The following NFIB variants were observed in gnomAD, a reference collection of about 807,000 sequenced individuals.
NFIB encodes the protein nuclear factor I B.
A neutral mutation model predicts 61.5 loss-of-function variants in NFIB; 11 were observed. That is an observed-to-expected ratio of 0.18 (90% CI 0.11 to 0.30). The LOEUF is 0.30. Ranked by LOEUF, NFIB falls within the 10% of genes least tolerant of loss-of-function variation. NFIB has a pLI of 1.00. For synonymous variants in NFIB, 260 were observed against 216.5 expected (o/e 1.20, Z -1.76); for missense variants, 471 against 608.9 (o/e 0.77, Z 2.38).
chr9:14,265,300 C>T (rs546468516), intron 2 of NFIB, among the ~76,000 whole-genome samples: 1 of 152,272 alleles, frequency 6.6e-6, no homozygotes, highest in African/African-American at 2.4e-5. Context: ...TGTTGAAGCC[C>T]AACCCCAATG....
intron 2 of NFIB, among the ~76,000 whole-genome samples, chr9:14,213,199 G>T (rs1413606566): frequency 6.6e-6 from 1 of 152,236 alleles, no homozygotes; most frequent in South Asian, 2.1e-4. Context: ...CAGAAAGACT[G>T]GGCACAGTCA....
the NFIB span, among the ~76,000 whole-genome samples, chr9:14,502,250 C>A: frequency 6.6e-6 from 1 of 152,316 alleles, no homozygotes; most frequent in African/African-American, 2.4e-5. Flanking sequence ...TAAATCACTA[C>A]ACATAGCCTC....
chr9:14,457,346 C>T, the NFIB span, among the ~76,000 whole-genome samples: 4 of 152,180 alleles, frequency 2.6e-5, no homozygotes, highest in East Asian at 3.9e-4. Context: ...TTAGTTTGAA[C>T]GAGTTGATGT....
chr9:14,332,259 G>A (rs1316853619), intron 1 of NFIB, among the ~76,000 whole-genome samples: 1 of 151,062 alleles, frequency 6.6e-6, no homozygotes, highest in Non-Finnish European at 1.5e-5. Flanking sequence ...CTTGAACCTG[G>A]GAGGCAGAGG....
At chr9:14,515,062 G>A in the NFIB span, among the ~76,000 whole-genome samples, 1 of 152,134 alleles carries the variant, frequency 6.6e-6, no homozygotes, top group Non-Finnish European at 1.5e-5. Flanking sequence ...GCTAGGCTCT[G>A]GGACAGATAC....
chr9:14,495,395 G>A, the NFIB span, among the ~76,000 whole-genome samples: 6 of 149,648 alleles, frequency 4.0e-5, no homozygotes, highest in Non-Finnish European at 7.4e-5. Flanking sequence ...GAGCTACTCC[G>A]TGCTTTTGCC....
At chr9:14,094,771 T>A (rs570366230) in intron 10 of NFIB, among the ~76,000 whole-genome samples, 4 of 152,104 alleles carry the variant, frequency 2.6e-5, no homozygotes, top group Non-Finnish European at 5.9e-5. Flanking sequence ...ATTTGTTTCT[T>A]AACTAAGTAG....
At chr9:14,490,372 A>G in the NFIB span, among the ~76,000 whole-genome samples, 369 of 152,312 alleles carry the variant, frequency 2.4e-3, 1 homozygote, top group African/African-American at 8.5e-3. Context: ...CTAGAAGAAA[A>G]TATGGGAAAA....
At chr9:14,404,890 G>A in the NFIB span, among the ~76,000 whole-genome samples, 1 of 152,186 alleles carries the variant, frequency 6.6e-6, no homozygotes, top group Non-Finnish European at 1.5e-5. Context: ...AGCAGCAAAA[G>A]GGGTGTTGTC....
chr9:14,361,219 G>T (rs1193198949), intron 1 of NFIB: 1 of 149,394 alleles, frequency 6.7e-6, no homozygotes, highest in Admixed American at 6.7e-5. Flanking sequence ...TTTACAGTCA[G>T]CTCCTTGAGA....
rs1413453749 is a variant in NFIB, at chr9:14,238,951, C to A, written c.563-59171G>T. ...CCTAATTCCCAGGACTCCCTGGTGTCTCCTAAACAGCATAAGGTCAACTGA... is the reference window on the plus strand; with the variant it reads ...CCTAATTCCCAGGACTCCCTGGTGTATCCTAAACAGCATAAGGTCAACTGA... On this transcript the variant is annotated intron_variant, in intron 2 of 10. Transcript: ENST00000380953. Among the ~76,000 whole-genome samples, 3 of 152,154 alleles carry A rather than the reference C, an allele frequency of 2.0e-5. No homozygotes were observed. The East Asian group carries it at 5.8e-4, about 29-fold the overall frequency.
the NFIB span, among the ~76,000 whole-genome samples, chr9:14,470,597 G>A: frequency 6.6e-6 from 1 of 152,210 alleles, no homozygotes; most frequent in African/African-American, 2.4e-5. Context: ...TGCTTAGGCA[G>A]CAGGGGCTTG....
intron 3 of NFIB, among the ~76,000 whole-genome samples, chr9:14,168,030 G>A (rs4740560): frequency 0.58 from 87,567 of 152,042 alleles, 27,334 homozygotes; most frequent in South Asian, 0.71. Flanking sequence ...ATAAGATGAG[G>A]AGTTCAGAAA....
chr9:14,162,714 T>A (rs917321156), intron 3 of NFIB, among the ~76,000 whole-genome samples: 3 of 152,116 alleles, frequency 2.0e-5, no homozygotes, highest in Non-Finnish European at 4.4e-5. Flanking sequence ...TTGAATCTGT[T>A]GCAGAGAAGA....
intron 1 of NFIB, among the ~76,000 whole-genome samples, chr9:14,389,500 C>T (rs1307076254): frequency 6.6e-6 from 1 of 152,126 alleles, no homozygotes; most frequent in Non-Finnish European, 1.5e-5. Context: ...CCAATGTGTA[C>T]ACTTTAAATA....
intron 1 of NFIB, among the ~76,000 whole-genome samples, chr9:14,397,291 G>T (rs1287662347): frequency 6.6e-6 from 1 of 152,170 alleles, no homozygotes; most frequent in Non-Finnish European, 1.5e-5. Context: ...AGAAAAACAA[G>T]CAAACAACTG....
intron 1 of NFIB, among the ~76,000 whole-genome samples, chr9:14,308,343 C>CACAG (rs2060125465): frequency 6.6e-6 from 1 of 151,962 alleles, no homozygotes; most frequent in East Asian, 1.9e-4. Context: ...CACACACACA[C>CACAG]TTGCACTCTC....
In NFIB at chr9:14,239,181, G is replaced by A. The variant is rs1024021646; in HGVS notation, c.563-59401C>T. ...CATCATTTAACCAAAAAGGTTTGTA[G>A]TATTTTGTATTCACAATGTTACACA... On this transcript the variant is annotated intron_variant, in intron 2 of 10. Coordinates refer to ENST00000380953, the MANE Select transcript of NFIB (RefSeq NM_001190737.2). Among the ~76,000 whole-genome samples the A allele has an allele frequency of 1.7e-4, 26 of 152,180 alleles. No homozygotes were observed. The East Asian group carries it at 2.9e-3, about 17-fold the overall frequency.
chr9:14,435,137 T>A, the NFIB span, among the ~76,000 whole-genome samples: 1 of 152,248 alleles, frequency 6.6e-6, no homozygotes, highest in Non-Finnish European at 1.5e-5. Context: ...TCCTGAGCCA[T>A]GCATGCCCTA....
Sources: gnomAD v4.1 joint callset for allele counts (sites outside exome capture counted in the v4.1 genomes callset) on GRCh38, gnomAD v4.1.1 for gene constraint, MANE v1.5 for transcripts, NCBI Gene and HGNC (gene_info 2026-07-23, HGNC 2026-07-21) for gene names.